The following ADGRG7 variants were observed in gnomAD, a reference collection of about 807,000 sequenced individuals.
The protein encoded by ADGRG7 is G-protein coupled receptor 128.
A neutral mutation model predicts 88.6 loss-of-function variants in ADGRG7; 82 were observed. That is an observed-to-expected ratio of 0.93 (90% confidence interval 0.77 to 1.11). The LOEUF is 1.11. Ranked by LOEUF, ADGRG7 falls within the 50% of genes most tolerant of loss-of-function variation. The probability of loss-of-function intolerance (pLI) is 0.00; values close to 1 mark genes in which losing one functional copy is unlikely to be tolerated. For synonymous variants in ADGRG7, 381 were observed against 345.2 expected (o/e 1.10, Z -1.15); for missense variants, 945 against 953.4 (o/e 0.99, Z 0.12).
intron 6 of ADGRG7, among the ~76,000 whole-genome samples, chr3:100,641,505 A>G (rs1707641587): frequency 6.6e-6 from 1 of 152,202 alleles, no homozygotes; most frequent in South Asian, 2.1e-4. Context: ...TAGATCAGTC[A>G]TTAGAAAGGG....
intron 15 of ADGRG7, among the ~76,000 whole-genome samples, chr3:100,691,371 T>C (rs1258374251): frequency 6.6e-6 from 1 of 152,102 alleles, no homozygotes; most frequent in Non-Finnish European, 1.5e-5. Flanking sequence ...ACCCACTGTC[T>C]TGCACCCACT....
chr3:100,666,698 A>G (rs1291992544), intron 14 of ADGRG7, among the ~76,000 whole-genome samples: 4 of 152,242 alleles, frequency 2.6e-5, no homozygotes, highest in African/African-American at 7.2e-5. Flanking sequence ...TACGGGTGTC[A>G]GGCTGGGGGA....
chr3:100,670,279 G>C (rs1319497761), intron 15 of ADGRG7, among the ~76,000 whole-genome samples: 1 of 152,068 alleles, frequency 6.6e-6, no homozygotes, highest in Non-Finnish European at 1.5e-5. Flanking sequence ...TTCTGTGCCT[G>C]GTTTATTTCA....
rs1186834331 is a variant in ADGRG7, at chr3:100,631,491, A to G, written c.334+682A>G. On this transcript the variant is annotated intron_variant, in intron 3 of 15. Coordinates refer to ENST00000273352, the MANE Select transcript of ADGRG7 (RefSeq NM_032787.3). ...CCTGATAACCAGAGCCTATTATGCC[A>G]TTTAATTTCCACTAATGTTTTACCT... Among the ~76,000 whole-genome samples the G allele has an allele frequency of 3.9e-5, 6 of 152,150 alleles. No individual in the cohort carries two copies. The South Asian group carries it at 1.2e-3, about 31-fold the overall frequency.
At chr3:100,687,687 T>C (rs2094985267) in intron 15 of ADGRG7, among the ~76,000 whole-genome samples, 1 of 152,244 alleles carries the variant, frequency 6.6e-6, no homozygotes, top group Admixed American at 6.5e-5. Context: ...GTTTATTGAT[T>C]TTCGTATGTT....
At chr3:100,633,191 G>T (rs1188609379) in intron 3 of ADGRG7, 74 bp from the exon 4 acceptor site, 6 of 638,774 alleles carry the variant, frequency 9.4e-6, no homozygotes, top group East Asian at 3.5e-5. Flanking sequence ...ATAAAAATTA[G>T]TTATTGCCTA....
At chr3:100,636,790 A>T (rs1160190629) in intron 5 of ADGRG7, among the ~76,000 whole-genome samples, 1 of 152,260 alleles carries the variant, frequency 6.6e-6, no homozygotes, top group East Asian at 1.9e-4. Context: ...CAACACTCCC[A>T]AAGAGGGAAG....
intron 6 of ADGRG7, among the ~76,000 whole-genome samples, chr3:100,641,305 T>G (rs1707638822): frequency 6.6e-6 from 1 of 151,560 alleles, no homozygotes; most frequent in South Asian, 2.1e-4. Flanking sequence ...ATATAAGGCT[T>G]TCTATATAAG....
intron 1 of ADGRG7, among the ~76,000 whole-genome samples, chr3:100,619,902 T>A (rs1047254210): frequency 2.0e-5 from 3 of 152,166 alleles, no homozygotes; most frequent in African/African-American, 7.2e-5. Flanking sequence ...GCTCTGAAAT[T>A]GAGGCAATAA....
chr3:100,651,804 C>A (rs2149028201), intron 11 of ADGRG7, among the ~76,000 whole-genome samples: 1 of 152,086 alleles, frequency 6.6e-6, no homozygotes, highest in East Asian at 1.9e-4. Flanking sequence ...AATAATAATG[C>A]ACAGAATACA....
At chr3:100,654,732 A>G in intron 11 of ADGRG7, 103 bp from the exon 12 acceptor site, 1 of 693,816 alleles carries the variant, frequency 1.4e-6, no homozygotes, top group Non-Finnish European at 2.4e-6. Context: ...CTGAACTTAC[A>G]TTGGGCAATA....
At chr3:100,623,088 A>G (rs1259276601) in intron 1 of ADGRG7, among the ~76,000 whole-genome samples, 1 of 152,042 alleles carries the variant, frequency 6.6e-6, no homozygotes, top group Non-Finnish European at 1.5e-5. Flanking sequence ...AGTGCCTTTG[A>G]TGACAGGAGT....
chr3:100,674,608 C>G lies in ADGRG7; in HGVS notation c.2136+5503C>G, dbSNP rs992313101. On this transcript the variant is annotated intron_variant, in intron 15 of 15. Transcript: ENST00000273352. ...TTTTTTTTTTTTTGAGACAGAGTCTCGCTCTGTCACCCAGGCTGGAGTGCA... is the reference window on the plus strand; with the variant it reads ...TTTTTTTTTTTTTGAGACAGAGTCTGGCTCTGTCACCCAGGCTGGAGTGCA... 7.5e-5 allele frequency among the ~76,000 whole-genome samples: 11 copies of G among 147,156 alleles called. No homozygotes were observed. In the South Asian group the frequency reaches 1.9e-3, roughly 26 times the overall value.
chr3:100,668,882 G>A, intron 14 of ADGRG7, 67 bp from the exon 15 acceptor site: 2 of 1,161,710 alleles, frequency 1.7e-6, no homozygotes, highest in Non-Finnish European at 2.4e-6. Flanking sequence ...AAATAGGAGA[G>A]TAATAATGAC....
At chr3:100,663,890 A>G (rs2094948607) in intron 14 of ADGRG7, among the ~76,000 whole-genome samples, 1 of 152,056 alleles carries the variant, frequency 6.6e-6, no homozygotes, top group Non-Finnish European at 1.5e-5. Flanking sequence ...AGACTGGTTT[A>G]GTTAACTATT....
intron 14 of ADGRG7, among the ~76,000 whole-genome samples, chr3:100,667,246 G>A (rs569743511): frequency 5.5e-4 from 84 of 152,054 alleles, no homozygotes; most frequent in African/African-American, 1.9e-3. Flanking sequence ...TTGTTACATA[G>A]GTATACATGT....
intron 15 of ADGRG7, among the ~76,000 whole-genome samples, chr3:100,693,276 C>CA (rs1411140355): frequency 6.6e-6 from 1 of 152,038 alleles, no homozygotes; most frequent in Non-Finnish European, 1.5e-5. Flanking sequence ...GTGTATGCCA[C>CA]AAAAAAGATG....
chr3:100,628,206 G>A (rs764293955), intron 1 of ADGRG7, among the ~76,000 whole-genome samples: 1 of 151,952 alleles, frequency 6.6e-6, no homozygotes, highest in Non-Finnish European at 1.5e-5. Flanking sequence ...TAGAGACTTC[G>A]AATACCTTTC....
In ADGRG7 at chr3:100,694,793, G is replaced by A; in HGVS notation, c.2186G>A (p.Ser729Asn). Residue 729 changes from serine to asparagine, a missense_variant, in exon 16 of 16, where the codon AGT becomes AAT. By Grantham distance (46) the Ser-to-Asn change is conservative (BLOSUM62 1). Coordinates refer to ENST00000273352, the MANE Select transcript of ADGRG7 (RefSeq NM_032787.3). ...ACTGTTAGAACAAAAGTCTTCCAGA[G>A]TGAAGCTTCCAAAGTGTTGATGTTG... ...LYTVRTKVFQ[S>N]EASKVLMLLS... 17 of 1,614,136 alleles carry A rather than the reference G, an allele frequency of 1.1e-5. No homozygotes were observed. The highest frequency in any genetic ancestry group is 2.2e-5 in the East Asian group (1 of 44,884).
Sources: gnomAD v4.1 joint callset for allele counts (sites outside exome capture counted in the v4.1 genomes callset) on GRCh38, gnomAD v4.1.1 for gene constraint, MANE v1.5 for transcripts, NCBI Gene and HGNC (gene_info 2026-07-23, HGNC 2026-07-21) for gene names.